Variants in DUS4L observed in about 807,000 individuals in gnomAD.
The protein encoded by DUS4L is tRNA-dihydrouridine(20a/20b) synthase [NAD(P)+]-like.
In DUS4L, 31 loss-of-function variants were observed where a neutral mutation model predicts 33.8. That is an observed-to-expected ratio of 0.92 (90% CI 0.69 to 1.24). The LOEUF is 1.24. Ranked by LOEUF, DUS4L falls within the 50% of genes most tolerant of loss-of-function variation. The pLI is 0.00. For missense variants in DUS4L, 368 were observed against 388.6 expected, an observed-to-expected ratio of 0.95 and a Z score of 0.45; for synonymous variants, 103 against 120.3, an observed-to-expected ratio of 0.86 and a Z score of 0.94.
intron 6 of DUS4L, among the ~76,000 whole-genome samples, chr7:107,575,926 C>T (rs1416020352): frequency 6.6e-6 from 1 of 152,240 alleles, no homozygotes; most frequent in African/African-American, 2.4e-5. Flanking sequence ...CTCCTGGCCT[C>T]AAGTGATCCA....
At position 107,577,490 on chromosome 7, in the gene DUS4L, A is replaced by G; in HGVS notation, c.884A>G (p.Lys295Arg). 6.2e-7 allele frequency: 1 copy of G among 1,614,172 alleles called. No homozygotes were observed. Among genetic ancestry groups the G allele is most frequent in the Admixed American group, 1.7e-5 (1 of 60,024 alleles). Residue 295 changes from lysine (K) to arginine (R), a missense_variant, in exon 8 of 8, where the codon AAA (lysine) becomes AGA (arginine). Lys to Arg is a conservative substitution (Grantham distance 26). Transcript: ENST00000265720. Reference sequence around the variant, plus strand: ...GAAAAGATAACTTCAAGGCAGGAAAAAAGGGTATTTAATGCTCTGTCAAGC... The same window carrying G: ...GAAAAGATAACTTCAAGGCAGGAAAGAAGGGTATTTAATGCTCTGTCAAGC... ...MMEKITSRQE[K>R]RVFNALSSTS...
intron 3 of DUS4L, among the ~76,000 whole-genome samples, chr7:107,568,161 C>G (rs940389295): frequency 2.6e-5 from 4 of 152,144 alleles, no homozygotes; most frequent in African/African-American, 9.7e-5. Flanking sequence ...CGTAACAGGT[C>G]TCTGAGACCC....
At chr7:107,567,823 A>G (rs1292196360) in intron 3 of DUS4L, 1 of 442,088 alleles carries the variant, frequency 2.3e-6, no homozygotes, top group East Asian at 7.1e-5. Flanking sequence ...GCCCCTGGCA[A>G]CCATTATTCT....
intron 3 of DUS4L, chr7:107,570,698 T>C (rs1463793928): frequency 6.2e-6 from 1 of 161,182 alleles, no homozygotes; most frequent in Non-Finnish European, 1.3e-5. Flanking sequence ...CATAGCTTTT[T>C]CTACAGTATT....
At chr7:107,566,313 T>C (rs1804689030) in intron 2 of DUS4L, among the ~76,000 whole-genome samples, 2 of 152,206 alleles carry the variant, frequency 1.3e-5, no homozygotes, top group Non-Finnish European at 2.9e-5. Flanking sequence ...TGTTTCTAAG[T>C]TACTGAGGCC....
intron 4 of DUS4L, among the ~76,000 whole-genome samples, chr7:107,571,572 T>C (rs955273060): frequency 6.6e-6 from 1 of 152,218 alleles, no homozygotes; most frequent in African/African-American, 2.4e-5. Context: ...AAGTGACCTA[T>C]TGAACATGTA....
chr7:107,577,910 T>G lies in DUS4L; in HGVS notation c.*350T>G, dbSNP rs543217400. 3.4e-4 allele frequency: 55 copies of G among 162,740 alleles called. No homozygotes were observed. The highest frequency in any genetic ancestry group is 1.8e-3 in the Admixed American group (31 of 16,864). 10.1% of individuals were successfully genotyped at this position (162,740 alleles called of 1,614,324 possible). A position where few individuals can be genotyped will look rare whatever the true frequency, so the allele number is the denominator to read the frequency against. ...ATGTTTTTAACATTTTAAAATAAAA[T>G]TTAATACTAAGAAATTATGGCTTAT... On this transcript the variant is annotated 3_prime_UTR_variant, in exon 8 of 8. Transcript: ENST00000265720.
At chr7:107,570,449 AC>A (rs1805111670) in intron 3 of DUS4L, 1 of 152,494 alleles carries the variant, frequency 6.6e-6, no homozygotes. Flanking sequence ...CTCTGACACC[AC>A]ACCAAGCAGG....
intron 3 of DUS4L, among the ~76,000 whole-genome samples, chr7:107,568,119 GTACAAATACCCATA>G (rs1378011428): frequency 3.3e-5 from 5 of 152,162 alleles, no homozygotes; most frequent in East Asian, 1.9e-4. Context: ...AACTATGGGT[GTACAAATACCCATA>G]TACAAATACC....
chr7:107,573,952 A>G (rs1805499529), intron 5 of DUS4L, 131 bp downstream of exon 5: 4 of 1,225,674 alleles, frequency 3.3e-6, no homozygotes, highest in African/African-American at 3.1e-5. Flanking sequence ...GCTCAAAACA[A>G]GAAGGAAGAA....
At position 107,564,051 on chromosome 7, in the gene DUS4L, G is replaced by T. The variant is rs1205464203; in HGVS notation, c.-269G>T. ...GCGCCTGGGCTAAGCCTGGCTAGGA[G>T]CCGCGCAGGTACTCGAGCAGTGGGC... On this transcript the variant is annotated 5_prime_UTR_variant, in exon 1 of 8. Coordinates refer to ENST00000265720, the MANE Select transcript of DUS4L (RefSeq NM_181581.3). 9 of 1,516,766 alleles carry T rather than the reference G, an allele frequency of 5.9e-6. No homozygotes were observed. Among genetic ancestry groups the T allele is most frequent in the Non-Finnish European group, 6.2e-6 (7 of 1,128,016 alleles). The allele number at this position is 1,516,766 out of a possible 1,614,324, so 94.0% of individuals were successfully genotyped here.
intron 7 of DUS4L, 70 bp from the exon 8 acceptor site, chr7:107,577,243 T>C: frequency 1.3e-6 from 2 of 1,577,076 alleles, no homozygotes; most frequent in South Asian, 1.2e-5. Flanking sequence ...TACTGTTTGC[T>C]TCATTGAGCT....
intron 6 of DUS4L, chr7:107,575,641 T>G: frequency 5.9e-6 from 1 of 170,780 alleles, no homozygotes; most frequent in African/African-American, 2.4e-5. Flanking sequence ...CACTAAAATT[T>G]CACAATGAAA....
At chr7:107,576,638 T>C in intron 7 of DUS4L, 46 bp downstream of exon 7, 1 of 1,485,266 alleles carries the variant, frequency 6.7e-7, no homozygotes, top group Non-Finnish European at 9.1e-7. Context: ...GGGGAAGAAA[T>C]GAGAGTGGGG....
chr7:107,576,652 T>G, intron 7 of DUS4L, 60 bp downstream of exon 7: 147 of 1,319,514 alleles, frequency 1.1e-4, no homozygotes, highest in Non-Finnish European at 1.4e-4. Flanking sequence ...AGTGGGGAAG[T>G]AATGTTAATT....
At position 107,577,536 on chromosome 7, in the gene DUS4L, C is replaced by T; in HGVS notation, c.930C>T (p.Tyr310=). 1 of 1,613,858 alleles carries T rather than the reference C, an allele frequency of 6.2e-7. No homozygotes were observed. The highest frequency in any genetic ancestry group is 8.5e-7 in the Non-Finnish European group (1 of 1,179,942). ...CAAGCACATCAGCAATCATAGATTACCTTACAGACCATTATGGCATTTGAC... is the reference window on the plus strand; with the variant it reads ...CAAGCACATCAGCAATCATAGATTATCTTACAGACCATTATGGCATTTGAC... ...ALSSTSAIID[Y]LTDHYGI Residue 310 remains tyrosine, a synonymous_variant, in exon 8 of 8, where the codon TAC becomes TAT. Transcript: ENST00000265720.
intron 3 of DUS4L, among the ~76,000 whole-genome samples, chr7:107,568,869 T>A (rs1399434123): frequency 2.0e-5 from 3 of 152,224 alleles, no homozygotes; most frequent in Non-Finnish European, 4.4e-5. Context: ...TAGGTTAGGT[T>A]GCCTATGGAT....
At chr7:107,565,807 G>A (rs1456500018) in intron 2 of DUS4L, among the ~76,000 whole-genome samples, 2 of 152,136 alleles carry the variant, frequency 1.3e-5, no homozygotes, top group African/African-American at 4.8e-5. Flanking sequence ...TTACAGGTGT[G>A]AGCCCAGTCC....
At chr7:107,566,759 A>G (rs1008544997) in intron 2 of DUS4L, among the ~76,000 whole-genome samples, 2 of 152,062 alleles carry the variant, frequency 1.3e-5, no homozygotes, top group African/African-American at 2.4e-5. Flanking sequence ...AAATTTTTAA[A>G]TAACATGAAA....
Sources: allele counts gnomAD v4.1 joint callset (sites outside exome capture counted in the v4.1 genomes callset), GRCh38; gene constraint gnomAD v4.1.1; transcripts MANE v1.5; gene names NCBI Gene and HGNC (gene_info 2026-07-23, HGNC 2026-07-21).